Variants in CCNH observed in about 807,000 individuals in gnomAD.
The protein encoded by CCNH is cyclin H.
In CCNH, 31 loss-of-function variants were observed where a neutral mutation model predicts 41.9. The ratio of observed to expected loss-of-function variants is 0.74; its 90% confidence interval spans 0.56 to 1.00. The LOEUF (loss-of-function observed/expected upper bound fraction) is 1.00, where lower values mean the gene tolerates loss of function less well. Among genes scored for constraint, CCNH ranks in the 50% least tolerant of loss-of-function variants. The pLI, the probability that CCNH is intolerant of heterozygous loss-of-function variation, is 0.00. For missense variants in CCNH, 362 were observed against 388.4 expected, an observed-to-expected ratio of 0.93 and a Z score of 0.57; for synonymous variants, 138 against 136.1, an observed-to-expected ratio of 1.01 and a Z score of -0.10.
chr5:87,368,016 T>A (rs764511456), intron 9 of CCNH, among the ~76,000 whole-genome samples: 26 of 152,184 alleles, frequency 1.7e-4, no homozygotes, highest in Non-Finnish European at 2.8e-4. Context: ...TTCATCAATC[T>A]GAGACCTGAT....
intron 9 of CCNH, among the ~76,000 whole-genome samples, chr5:87,343,751 C>T (rs1202333958): frequency 6.6e-6 from 1 of 152,126 alleles, no homozygotes; most frequent in African/African-American, 2.4e-5. Context: ...ATCAGTGTAT[C>T]AAAGAGACAG....
At chr5:87,397,180 T>G (rs572096380) in intron 7 of CCNH, among the ~76,000 whole-genome samples, 48 of 152,112 alleles carry the variant, frequency 3.2e-4, no homozygotes, top group Admixed American at 2.5e-3. Flanking sequence ...TTTTTTTTTT[T>G]GAGACAGAGT....
At chr5:87,311,656 C>T in the CCNH span, among the ~76,000 whole-genome samples, 2 of 152,142 alleles carry the variant, frequency 1.3e-5, no homozygotes, top group African/African-American at 4.8e-5. Flanking sequence ...CAACACGTGT[C>T]AAGTATTGCC....
intron 6 of CCNH, among the ~76,000 whole-genome samples, chr5:87,400,514 TG>T (rs1763321868): frequency 1.3e-5 from 2 of 152,214 alleles, no homozygotes; most frequent in Non-Finnish European, 2.9e-5. Context: ...GCTTTTAAAG[TG>T]TACCCCCTAG....
At chr5:87,374,589 T>A (rs1489866486), downstream of CCNH, among the ~76,000 whole-genome samples, 1 of 151,734 alleles carries the variant, frequency 6.6e-6, no homozygotes, top group East Asian at 1.9e-4. Flanking sequence ...TACAAAACAT[T>A]TACTAGGGTT....
intron 9 of CCNH, among the ~76,000 whole-genome samples, chr5:87,323,188 G>T (rs1277495325): frequency 6.6e-6 from 1 of 152,156 alleles, no homozygotes; most frequent in Non-Finnish European, 1.5e-5. Flanking sequence ...GTTTTAGGAT[G>T]ACTTTTGAGT....
At chr5:87,376,203 A>G (rs780705131), downstream of CCNH, 15 of 660,852 alleles carry the variant, frequency 2.3e-5, no homozygotes, top group South Asian at 7.5e-5. Context: ...CTCTCTACCT[A>G]TCAGAGTTTA....
chr5:87,374,894 G>A (rs1761217959), downstream of CCNH: 1 of 1,606,924 alleles, frequency 6.2e-7, no homozygotes, highest in African/African-American at 1.3e-5. Flanking sequence ...ATAAAACAAA[G>A]AAAAGCAAAG....
chr5:87,394,422 C>T lies in CCNH; in HGVS notation c.*24G>A. ...CTTCCTACTTCTCTTGATTAGTTAGCATTGAGAAATCAACTTCAAATGGTT... is the reference window on the plus strand; with the variant it reads ...CTTCCTACTTCTCTTGATTAGTTAGTATTGAGAAATCAACTTCAAATGGTT... On this transcript the variant is annotated 3_prime_UTR_variant, in exon 9 of 9. Coordinates refer to ENST00000256897, the MANE Select transcript of CCNH (RefSeq NM_001239.4). 1 of 1,608,952 alleles carries T rather than the reference C, an allele frequency of 6.2e-7. No homozygotes were observed. Among genetic ancestry groups the T allele is most frequent in the Non-Finnish European group, 8.5e-7 (1 of 1,176,540 alleles).
intron 9 of CCNH, chr5:87,333,343 T>G: frequency 6.2e-7 from 1 of 1,613,012 alleles, no homozygotes; most frequent in Non-Finnish European, 8.5e-7. Flanking sequence ...ATAAGGTATT[T>G]TATAATCTAT....
At chr5:87,390,152 G>A (rs1476702244), downstream of CCNH, among the ~76,000 whole-genome samples, 1 of 152,118 alleles carries the variant, frequency 6.6e-6, no homozygotes, top group East Asian at 1.9e-4. Flanking sequence ...GAATTTGAAG[G>A]GACTTAATAC....
At chr5:87,391,948 CATTT>C (rs1762557411), downstream of CCNH, 1 of 232,402 alleles carries the variant, frequency 4.3e-6, no homozygotes, top group Admixed American at 5.5e-5. Flanking sequence ...AAGAGCTAAG[CATTT>C]AATTTATTTA....
chr5:87,385,503 AT>A, intron 9 of CCNH: 1 of 800,580 alleles, frequency 1.2e-6, no homozygotes, highest in East Asian at 2.7e-5. Context: ...GCGATGAAAG[AT>A]TATTTTTGTT....
chr5:87,405,420 T>C (rs1179219015), intron 4 of CCNH, among the ~76,000 whole-genome samples: 1 of 152,172 alleles, frequency 6.6e-6, no homozygotes, highest in Admixed American at 6.5e-5. Flanking sequence ...ACACTAGACT[T>C]CGAATTCCCA....
At chr5:87,379,935 G>A (rs1761592886), upstream of CCNH, 1 of 1,336,890 alleles carries the variant, frequency 7.5e-7, no homozygotes, top group Non-Finnish European at 1.1e-6. Context: ...AAGCTTTTCT[G>A]TTGTCCTAAT....
At chr5:87,350,199 C>T (rs1759159398) in intron 9 of CCNH, among the ~76,000 whole-genome samples, 1 of 151,770 alleles carries the variant, frequency 6.6e-6, no homozygotes, top group African/African-American at 2.4e-5. Flanking sequence ...TAGTTGCTTG[C>T]TGGAAGCTCA....
At chr5:87,375,492 C>T (rs1761264330), downstream of CCNH, among the ~76,000 whole-genome samples, 1 of 152,180 alleles carries the variant, frequency 6.6e-6, no homozygotes, top group Non-Finnish European at 1.5e-5. Context: ...AACTCCTGAC[C>T]TCAGGTGATC....
At position 87,399,472 on chromosome 5, in the gene CCNH, G is replaced by T; in HGVS notation, c.794C>A (p.Pro265His). 1.2e-6 allele frequency: 2 copies of T among 1,613,556 alleles called. No individual in the cohort carries two copies. Among genetic ancestry groups the T allele is most frequent in the Non-Finnish European group, 1.7e-6 (2 of 1,179,680 alleles). Residue 265 changes from proline to histidine, a missense_variant, in exon 7 of 9, where the codon CCC (proline) becomes CAC (histidine). Coordinates refer to ENST00000256897, the MANE Select transcript of CCNH (RefSeq NM_001239.4). ...MRNLVKKYEPPRSEEVAVLKQ... is the reference protein window; with the variant it reads ...MRNLVKKYEPHRSEEVAVLKQ... ...CAGAACAGCAACTTCTTCAGATCTG[G>T]GTGGTTCATACTTCTTTACTAAGTT...
At chr5:87,340,014 G>A (rs1026262669) in intron 9 of CCNH, among the ~76,000 whole-genome samples, 1 of 152,120 alleles carries the variant, frequency 6.6e-6, no homozygotes, top group Non-Finnish European at 1.5e-5. Flanking sequence ...ACTCTAGAAT[G>A]TATGCTCTCT....
Sources: allele counts gnomAD v4.1 joint callset (sites outside exome capture counted in the v4.1 genomes callset), GRCh38; gene constraint gnomAD v4.1.1; transcripts MANE v1.5; gene names NCBI Gene and HGNC (gene_info 2026-07-23, HGNC 2026-07-21).